The following SCAF4 variants were observed in gnomAD, a reference collection of about 807,000 sequenced individuals.
SCAF4 encodes the protein SR-related CTD associated factor 4, also known as SR-related and CTD-associated factor 4.
In SCAF4, 25 loss-of-function variants were observed where a neutral mutation model predicts 129.8. That is an observed-to-expected ratio of 0.19 (90% CI 0.14 to 0.27). The LOEUF is 0.27. SCAF4 is among the 10% of genes least tolerant of loss of function. SCAF4 has a pLI of 1.00. For synonymous variants in SCAF4, 551 were observed against 497.7 expected, an observed-to-expected ratio of 1.11 and a Z score of -1.43; for missense variants, 1,246 against 1,457.1, an observed-to-expected ratio of 0.86 and a Z score of 2.36.
At chr21:31,718,104 TG>T (rs916866125) in intron 1 of SCAF4, among the ~76,000 whole-genome samples, 3 of 151,944 alleles carry the variant, frequency 2.0e-5, no homozygotes, top group Non-Finnish European at 4.4e-5. Context: ...CCACCACACC[TG>T]GCTAATTTTT....
chr21:31,687,016 G>C (rs2050141894), intron 16 of SCAF4, among the ~76,000 whole-genome samples: 1 of 152,138 alleles, frequency 6.6e-6, no homozygotes, highest in African/African-American at 2.4e-5. Flanking sequence ...GCACTGGAGG[G>C]GCATATCCAG....
Position 31,673,403 on chromosome 21 carries a change from G to C in SCAF4, c.2489-1049C>G, listed in dbSNP as rs113772894. Among the ~76,000 whole-genome samples the C allele has an allele frequency of 6.0e-3, 918 of 152,296 alleles. 3 individuals carry two copies. The highest frequency in any genetic ancestry group is 0.021 in the African/African-American group (864 of 41,542). On this transcript the variant is annotated intron_variant, in intron 19 of 19. Coordinates refer to ENST00000286835, the MANE Select transcript of SCAF4 (RefSeq NM_020706.2). ...GTGCTGCAGAAAGGTCTTTGAGCAA[G>C]TTATGGGTTATGATCAGTTAGCAAT...
chr21:31,722,500 A>T (rs1201375207), intron 1 of SCAF4, among the ~76,000 whole-genome samples: 5 of 152,226 alleles, frequency 3.3e-5, no homozygotes, highest in Non-Finnish European at 7.3e-5. Flanking sequence ...AAGACCTGTG[A>T]ACAAAAATTA....
chr21:31,708,610 G>A (rs2050725171), intron 1 of SCAF4, among the ~76,000 whole-genome samples: 1 of 152,040 alleles, frequency 6.6e-6, no homozygotes, highest in African/African-American at 2.4e-5. Flanking sequence ...TTAACACAGT[G>A]AAAGGGGATG....
At position 31,693,308 on chromosome 21, in the gene SCAF4, G is replaced by T. The variant is rs773592223; in HGVS notation, c.1499C>A (p.Pro500Gln). 11 of 1,480,952 alleles carry T rather than the reference G, an allele frequency of 7.4e-6. No individual in the cohort carries two copies. The highest frequency in any genetic ancestry group is 1.0e-5 in the Non-Finnish European group (11 of 1,097,832). The allele number at this position is 1,480,952 out of a possible 1,614,324, so 91.7% of individuals were successfully genotyped here. ...RRQKGLPQVK[P>Q]ETASVCSTTL... Reference sequence around the variant, plus strand: ...GGTTGAGTTACCACTTGCAGTTTCCGGTTTCACTTGAGGGAGGCCTTTTTG... The same window carrying T: ...GGTTGAGTTACCACTTGCAGTTTCCTGTTTCACTTGAGGGAGGCCTTTTTG... The change falls in exon 12 of 20, where the codon CCG (proline) becomes CAG (glutamine). Residue 500 changes from proline (P) to glutamine (Q), a missense_variant. Pro to Gln is a moderately conservative substitution (Grantham distance 76). This residue lies in a region of SCAF4 where 468 missense variants were observed against 605.5 expected (regional missense o/e 0.77). Transcript: ENST00000286835.
chr21:31,731,116 G>C (rs780898783), intron 1 of SCAF4, among the ~76,000 whole-genome samples: 1 of 152,208 alleles, frequency 6.6e-6, no homozygotes, highest in African/African-American at 2.4e-5. Flanking sequence ...GAAGGGGGAT[G>C]AACACCCTCT....
chr21:31,681,826 T>C (rs947238779), intron 19 of SCAF4, among the ~76,000 whole-genome samples: 13 of 152,144 alleles, frequency 8.5e-5, no homozygotes, highest in Admixed American at 3.9e-4. Flanking sequence ...AACCAAACCA[T>C]CCTTAAGGCA....
Position 31,692,505 on chromosome 21 carries a change from T to C in SCAF4, c.1514-56A>G, listed in dbSNP as rs982243276. The C allele has an allele frequency of 1.5e-4, 167 of 1,126,278 alleles. 1 individual carries two copies. The highest frequency in any genetic ancestry group is 1.9e-4 in the Non-Finnish European group (144 of 759,860). 69.8% of individuals were successfully genotyped at this position (1,126,278 alleles called of 1,614,324 possible). On this transcript the variant is annotated intron_variant, in intron 12 of 19. Coordinates refer to ENST00000286835, the MANE Select transcript of SCAF4 (RefSeq NM_020706.2). Reference sequence around the variant, plus strand: ...TCACATTTGATAATGAGCAGCACTGTAGCTTACATTAAAAAATCATTACAC... The same window carrying C: ...TCACATTTGATAATGAGCAGCACTGCAGCTTACATTAAAAAATCATTACAC...
chr21:31,708,476 AAC>A (rs1380485743), intron 1 of SCAF4, among the ~76,000 whole-genome samples: 1 of 152,212 alleles, frequency 6.6e-6, no homozygotes, highest in Middle Eastern at 3.2e-3. Context: ...TTTCAACTTA[AAC>A]ACAAATTCTA....
rs372192710 is a variant in SCAF4 at position 31,702,430 on chromosome 21, C to T, written c.322-51G>A. The stretch of plus-strand genomic sequence containing the variant: ...TACAATAAATATTTGCATAAATAAC[C>T]GATTATACTCTTACAAAAAAAAGAG... On this transcript the variant is annotated intron_variant, in intron 4 of 19. Transcript: ENST00000286835. 5.9e-5 allele frequency: 87 copies of T among 1,485,816 alleles called. 1 individual carries two copies. The highest frequency in any genetic ancestry group is 4.9e-4 in the African/African-American group (35 of 70,736). The allele number at this position is 1,485,816 out of a possible 1,614,324, so 92.0% of individuals were successfully genotyped here.
intron 19 of SCAF4, among the ~76,000 whole-genome samples, chr21:31,678,867 A>C (rs2049929514): frequency 6.6e-6 from 1 of 152,240 alleles, no homozygotes; most frequent in Admixed American, 6.5e-5. Context: ...TTAAATTATT[A>C]GCCCAGGTCT....
intron 1 of SCAF4, 135 bp downstream of exon 1, chr21:31,731,528 G>C (rs1047342800): frequency 1.6e-5 from 17 of 1,046,320 alleles, no homozygotes; most frequent in South Asian, 5.7e-5. Flanking sequence ...CCCGCTCCGC[G>C]CAGGCCCCGC....
chr21:31,727,111 C>T (rs1304380477), intron 1 of SCAF4, among the ~76,000 whole-genome samples: 1 of 152,096 alleles, frequency 6.6e-6, no homozygotes, highest in East Asian at 1.9e-4. Context: ...TGGACTCTCA[C>T]ACTGTTGCCC....
chr21:31,709,350 C>CAAAAA lies in SCAF4; in HGVS notation c.31-2998_31-2994dup, dbSNP rs376581889. On this transcript the variant is annotated intron_variant, in intron 1 of 19. Transcript: ENST00000286835. ...AAATACTTACTGGTACTGAAACTGT[C>CAAAAA]AAAAAAAAAAAAAAGAAAGAAAGAA... is the stretch of plus-strand genomic sequence containing the variant. Among the ~76,000 whole-genome samples, 10 of 117,790 alleles carry CAAAAA rather than the reference C, an allele frequency of 8.5e-5. No homozygotes were observed. In the South Asian group the frequency reaches 1.1e-3, roughly 13 times the overall value. The allele number at this position is 117,790 out of a possible 152,430, so 77.3% of individuals were successfully genotyped here. A position where few individuals can be genotyped will look rare whatever the true frequency, so the allele number is the denominator to read the frequency against.
Position 31,731,999 on chromosome 21 carries a change from C to T in SCAF4, c.-307G>A, listed in dbSNP as rs1009395560. 12 of 471,070 alleles carry T rather than the reference C, an allele frequency of 2.5e-5. No homozygotes were observed. Among genetic ancestry groups the T allele is most frequent in the Non-Finnish European group, 4.0e-5 (11 of 271,938 alleles). 29.2% of individuals were successfully genotyped at this position (471,070 alleles called of 1,614,324 possible). On this transcript the variant is annotated 5_prime_UTR_variant, in exon 1 of 20. Coordinates refer to ENST00000286835, the MANE Select transcript of SCAF4 (RefSeq NM_020706.2). The stretch of plus-strand genomic sequence containing the variant: ...TGCGCTCTGCGTCTCGCTGACACGG[C>T]CCCCCGCGCCCTCACGCACTGGCTC...
At chr21:31,682,737 G>C (rs1433193125) in intron 19 of SCAF4, among the ~76,000 whole-genome samples, 1 of 152,138 alleles carries the variant, frequency 6.6e-6, no homozygotes, top group Non-Finnish European at 1.5e-5. Context: ...GAAAACATTA[G>C]AGCACCAAGA....
chr21:31,702,030 T>C (rs2050545247), intron 5 of SCAF4, 112 bp from the exon 6 acceptor site: 6 of 1,373,768 alleles, frequency 4.4e-6, no homozygotes, highest in Non-Finnish European at 6.0e-6. Flanking sequence ...GTATAAAATA[T>C]AGAGATTGTG....
intron 19 of SCAF4, among the ~76,000 whole-genome samples, chr21:31,676,279 A>G (rs1601175241): frequency 6.6e-6 from 1 of 152,050 alleles, no homozygotes; most frequent in African/African-American, 2.4e-5. Context: ...CAAATTCCCA[A>G]TTTCAAGTAC....
chr21:31,682,268 A>G (rs1210049544), intron 19 of SCAF4, among the ~76,000 whole-genome samples: 1 of 152,074 alleles, frequency 6.6e-6, no homozygotes. Flanking sequence ...AGTCCCAGCT[A>G]CTTGGAAGGC....
Sources: gnomAD v4.1 joint callset for allele counts (sites outside exome capture counted in the v4.1 genomes callset) on GRCh38, gnomAD v4.1.1 for gene constraint, gnomAD v4.1.1 regional missense constraint, MANE v1.5 for transcripts, NCBI Gene and HGNC (gene_info 2026-07-23, HGNC 2026-07-21) for gene names.